The following SPAG16 variants were observed in gnomAD, a reference collection of about 807,000 sequenced individuals.
SPAG16 encodes the protein sperm-associated antigen 16 protein.
A neutral mutation model predicts 80.4 loss-of-function variants in SPAG16; 86 were observed. The observed-to-expected ratio is 1.07, with a 90% CI of 0.90 to 1.28. The LOEUF is 1.28. Among genes scored for constraint, SPAG16 ranks in the 50% most tolerant of loss-of-function variants. The pLI, the probability that SPAG16 is intolerant of heterozygous loss-of-function variation, is 0.00. For synonymous variants in SPAG16, 294 were observed against 265.9 expected (o/e 1.11, Z -1.03); for missense variants, 870 against 765.3 (o/e 1.14, Z -1.61).
chr2:214,023,820 C>T (rs114043269), intron 13 of SPAG16, among the ~76,000 whole-genome samples: 221 of 151,452 alleles, frequency 1.5e-3, no homozygotes, highest in African/African-American at 5.2e-3. Context: ...TGGCCAGTAG[C>T]GGGAAGACTA....
At chr2:213,883,849 T>C (rs2076448035) in intron 11 of SPAG16, among the ~76,000 whole-genome samples, 1 of 152,168 alleles carries the variant, frequency 6.6e-6, no homozygotes, top group South Asian at 2.1e-4. Context: ...CTTTTATGCT[T>C]TCTGTTTTTA....
intron 10 of SPAG16, among the ~76,000 whole-genome samples, chr2:213,812,330 A>G (rs1052749859): frequency 5.3e-5 from 8 of 152,220 alleles, no homozygotes; most frequent in African/African-American, 1.4e-4. Flanking sequence ...TGCTTTTGCA[A>G]ATGAAACCAG....
chr2:213,691,767 TG>T (rs2064951315), intron 10 of SPAG16, among the ~76,000 whole-genome samples: 1 of 152,238 alleles, frequency 6.6e-6, no homozygotes, highest in African/African-American at 2.4e-5. Flanking sequence ...ATTTATTTTT[TG>T]TCTTGTTGTC....
At chr2:213,322,546 A>G (rs2063670941) in intron 5 of SPAG16, among the ~76,000 whole-genome samples, 1 of 151,854 alleles carries the variant, frequency 6.6e-6, no homozygotes, top group South Asian at 2.1e-4. Flanking sequence ...TTCCCTTAGC[A>G]TCTGTGACAT....
intron 6 of SPAG16, among the ~76,000 whole-genome samples, chr2:213,342,329 GTATATATATATTACATATA>G (rs2064735464): frequency 3.2e-5 from 2 of 63,084 alleles, no homozygotes; most frequent in Non-Finnish European, 6.5e-5. Flanking sequence ...ACATATATGT[GTATATATATATTACATATA>G]TGTATATATA....
At position 213,297,345 on chromosome 2, in the gene SPAG16, T is replaced by C; in HGVS notation, c.267T>C (p.Asp89=). The change falls in exon 3 of 16, where the codon GAT becomes GAC. Residue 89 remains aspartate (D), a synonymous_variant. Coordinates refer to ENST00000331683, the MANE Select transcript of SPAG16 (RefSeq NM_024532.5). ...AIQMAQEQAT[D]TEILERKTVL... ...AGATGGCCCAAGAACAGGCTACAGA[T>C]ACTGAAATTTTGGTGAGAATTTGAA... 1.2e-6 allele frequency: 2 copies of C among 1,608,272 alleles called. No individual in the cohort carries two copies. The highest frequency in any genetic ancestry group is 1.7e-6 in the Non-Finnish European group (2 of 1,176,858).
chr2:214,079,808 C>G (rs569023727), intron 13 of SPAG16, among the ~76,000 whole-genome samples: 1 of 152,134 alleles, frequency 6.6e-6, no homozygotes, highest in Non-Finnish European at 1.5e-5. Context: ...TTTTAAGTGT[C>G]TTCCCAACCC....
intron 12 of SPAG16, among the ~76,000 whole-genome samples, chr2:213,996,355 C>T (rs1259191053): frequency 6.6e-6 from 1 of 151,998 alleles, no homozygotes; most frequent in East Asian, 1.9e-4. Context: ...ATTTCAGAGA[C>T]ATGGAAATTA....
intron 13 of SPAG16, among the ~76,000 whole-genome samples, chr2:214,093,695 T>C (rs1350499560): frequency 6.6e-6 from 1 of 152,096 alleles, no homozygotes; most frequent in Non-Finnish European, 1.5e-5. Context: ...AGAGTATAGC[T>C]ATTAACTTAA....
At chr2:213,888,947 C>G (rs1344061253) in intron 11 of SPAG16, among the ~76,000 whole-genome samples, 1 of 151,926 alleles carries the variant, frequency 6.6e-6, no homozygotes, top group East Asian at 1.9e-4. Flanking sequence ...TATGAATGAC[C>G]TGTGATGATA....
intron 13 of SPAG16, among the ~76,000 whole-genome samples, chr2:214,037,651 T>C (rs984163470): frequency 3.3e-5 from 5 of 152,102 alleles, no homozygotes; most frequent in African/African-American, 1.2e-4. Flanking sequence ...ATCTGTGTCT[T>C]TTTGATTCTC....
intron 11 of SPAG16, among the ~76,000 whole-genome samples, chr2:213,892,564 A>G (rs2076825003): frequency 6.6e-6 from 1 of 152,184 alleles, no homozygotes; most frequent in Non-Finnish European, 1.5e-5. Context: ...GCAAGATAAC[A>G]CAGAAAAGAA....
At chr2:213,603,765 A>G (rs560348471) in intron 10 of SPAG16, among the ~76,000 whole-genome samples, 7 of 152,158 alleles carry the variant, frequency 4.6e-5, no homozygotes, top group Non-Finnish European at 8.8e-5. Flanking sequence ...TTTCTTTCCT[A>G]CAAGCGCTGA....
chr2:213,293,384 C>CAAGTAGG (rs1278640841), intron 1 of SPAG16, among the ~76,000 whole-genome samples: 1 of 152,214 alleles, frequency 6.6e-6, no homozygotes, highest in East Asian at 1.9e-4. Flanking sequence ...AATCCTCACA[C>CAAGTAGG]ACTGAGTAGA....
chr2:213,613,184 C>CTTA (rs1574493880), intron 10 of SPAG16, among the ~76,000 whole-genome samples: 2 of 152,174 alleles, frequency 1.3e-5, no homozygotes, highest in East Asian at 3.8e-4. Flanking sequence ...GGTTTGCCTG[C>CTTA]TTATCCCTGT....
chr2:213,315,196 A>G (rs1437826691), intron 4 of SPAG16, among the ~76,000 whole-genome samples: 1 of 151,894 alleles, frequency 6.6e-6, no homozygotes, highest in Non-Finnish European at 1.5e-5. Flanking sequence ...TGCCATACAC[A>G]GGGATTAAAA....
intron 10 of SPAG16, among the ~76,000 whole-genome samples, chr2:213,757,500 A>C (rs540214424): frequency 6.6e-6 from 1 of 152,340 alleles, no homozygotes; most frequent in Admixed American, 6.5e-5. Flanking sequence ...AGTTATAGAA[A>C]TATGGTGGAG....
chr2:213,895,997 A>G (rs1049718978), intron 11 of SPAG16, among the ~76,000 whole-genome samples: 1 of 152,174 alleles, frequency 6.6e-6, no homozygotes, highest in Admixed American at 6.5e-5. Flanking sequence ...TGGAATTATC[A>G]ACAAAGTGAA....
intron 15 of SPAG16, among the ~76,000 whole-genome samples, chr2:214,229,055 C>T (rs1559142086): frequency 6.6e-6 from 1 of 151,212 alleles, no homozygotes; most frequent in East Asian, 1.9e-4. Flanking sequence ...ATTCTTTCAA[C>T]AAGTATTATA....
Sources: allele counts gnomAD v4.1 joint callset (sites outside exome capture counted in the v4.1 genomes callset), GRCh38; gene constraint gnomAD v4.1.1; transcripts MANE v1.5; gene names NCBI Gene and HGNC (gene_info 2026-07-23, HGNC 2026-07-21).